Variants in CDH18 observed in about 807,000 individuals in gnomAD.
CDH18 encodes cadherin-18.
CDH18 carries 31 observed loss-of-function variants against 67.9 expected under a neutral mutation model. That is an observed-to-expected ratio of 0.46 (90% CI 0.34 to 0.62). CDH18 has a LOEUF of 0.62. Among genes scored for constraint, CDH18 ranks in the 20% least tolerant of loss-of-function variants. The pLI is 0.01. For missense variants in CDH18, 890 were observed against 975.5 expected (o/e 0.91, Z 1.17); for synonymous variants, 362 against 347.2 (o/e 1.04, Z -0.48).
Position 19,651,521 on chromosome 5 carries a change from C to T in CDH18, c.644-38920G>A, listed in dbSNP as rs1229474263. 2.6e-5 allele frequency among the ~76,000 whole-genome samples: 4 copies of T among 151,966 alleles called. No individual in the cohort carries two copies. The East Asian group carries it at 7.7e-4, about 29-fold the overall frequency. ...AAAAGCATAACAACTCAAATTCTGT[C>T]AAAGAAGACGTTAAGGGAGACAGAT... On this transcript the variant is annotated intron_variant, in intron 5 of 12. Transcript: ENST00000382275.
At chr5:20,064,727 G>T (rs992518702) in intron 2 of CDH18, among the ~76,000 whole-genome samples, 1 of 151,882 alleles carries the variant, frequency 6.6e-6, no homozygotes, top group African/African-American at 2.4e-5. Context: ...AACTTCTATT[G>T]AAAGTTAAAC....
intron 3 of CDH18, among the ~76,000 whole-genome samples, chr5:19,764,003 A>AG (rs1419298205): frequency 6.8e-6 from 1 of 146,386 alleles, no homozygotes; most frequent in Non-Finnish European, 1.5e-5. Context: ...ACAAAAAAAA[A>AG]AAAAAAAAAA....
At chr5:20,180,538 G>C (rs2388297) in intron 2 of CDH18, among the ~76,000 whole-genome samples, 106,016 of 152,094 alleles carry the variant, frequency 0.7, 37,589 homozygotes, top group African/African-American at 0.84. Flanking sequence ...TCTCTGTATA[G>C]TGTACTTCTA....
chr5:20,091,776 G>A (rs1006672417), intron 2 of CDH18, among the ~76,000 whole-genome samples: 1 of 151,646 alleles, frequency 6.6e-6, no homozygotes, highest in Non-Finnish European at 1.5e-5. Context: ...GAAGAGAGGA[G>A]GCAATAGTTT....
In CDH18 at chr5:19,520,652, C is replaced by G. The variant is rs1274629876; in HGVS notation, c.1512+5G>C. The G allele has an allele frequency of 1.2e-6, 2 of 1,605,906 alleles. No individual in the cohort carries two copies. The highest frequency in any genetic ancestry group is 1.7e-5 in the Admixed American group (1 of 58,252). ...AAATGAGGAGGAAGGAAACAATTAA[C>G]TTACCTGGCCAGGCTTAGAATTTTC... On this transcript the variant is annotated splice_donor_5th_base_variant and intron_variant, in intron 10 of 12. Coordinates refer to ENST00000382275, the MANE Select transcript of CDH18 (RefSeq NM_004934.5).
At chr5:19,958,268 C>T (rs1447558797) in intron 2 of CDH18, among the ~76,000 whole-genome samples, 1 of 149,376 alleles carries the variant, frequency 6.7e-6, no homozygotes, top group Non-Finnish European at 1.5e-5. Flanking sequence ...TGTTGCGATG[C>T]CCAATAACTA....
intron 1 of CDH18, among the ~76,000 whole-genome samples, chr5:20,558,393 A>G (rs1415198243): frequency 1.3e-5 from 2 of 152,122 alleles, no homozygotes; most frequent in African/African-American, 4.8e-5. Flanking sequence ...AAAGGTTAGT[A>G]TCTCCAGACT....
intron 2 of CDH18, among the ~76,000 whole-genome samples, chr5:20,161,436 C>T (rs945818677): frequency 6.6e-6 from 1 of 152,124 alleles, no homozygotes; most frequent in African/African-American, 2.4e-5. Flanking sequence ...TTGGTAGTTC[C>T]TCACTGAACA....
At chr5:20,434,704 T>C (rs777773393) in intron 1 of CDH18, among the ~76,000 whole-genome samples, 6 of 152,036 alleles carry the variant, frequency 3.9e-5, no homozygotes, top group Non-Finnish European at 7.4e-5. Context: ...TAGGTTCTCC[T>C]AATCAGACCA....
intron 3 of CDH18, among the ~76,000 whole-genome samples, chr5:19,821,643 C>A (rs1779893531): frequency 6.6e-6 from 1 of 151,900 alleles, no homozygotes; most frequent in African/African-American, 2.4e-5. Context: ...AGATGACTAC[C>A]CACAAGACAC....
At chr5:19,533,707 A>C (rs963971817) in intron 9 of CDH18, among the ~76,000 whole-genome samples, 1 of 152,108 alleles carries the variant, frequency 6.6e-6, no homozygotes, top group Non-Finnish European at 1.5e-5. Context: ...GAGTGGCCAG[A>C]GACTTGGCAT....
At chr5:19,666,162 G>A (rs1560986913) in intron 5 of CDH18, among the ~76,000 whole-genome samples, 1 of 151,118 alleles carries the variant, frequency 6.6e-6, no homozygotes, top group African/African-American at 2.4e-5. Flanking sequence ...CTCAGCCTCT[G>A]GGGTTCAAGT....
intron 2 of CDH18, among the ~76,000 whole-genome samples, chr5:20,163,314 T>C (rs1736040618): frequency 2.0e-5 from 3 of 152,132 alleles, no homozygotes; most frequent in African/African-American, 7.2e-5. Context: ...ATTATGCTTA[T>C]AATTAAATTT....
chr5:20,194,670 A>T (rs4002090), intron 2 of CDH18, among the ~76,000 whole-genome samples: 2,359 of 31,248 alleles, frequency 0.075, 31 homozygotes, highest in Middle Eastern at 0.15. Flanking sequence ...TTTTTTTTTT[A>T]AAAAGAATGG....
rs551987253 is a variant in CDH18, at chr5:20,039,066, C to T, written c.-517-47052G>A. Among the ~76,000 whole-genome samples, 498 of 140,480 alleles carry T rather than the reference C, an allele frequency of 3.5e-3. 2 individuals carry two copies. The highest frequency in any genetic ancestry group is 0.012 in the African/African-American group (480 of 40,056). The allele number at this position is 140,480 out of a possible 152,430, so 92.2% of individuals were successfully genotyped here. A position where few individuals can be genotyped will look rare whatever the true frequency, so the allele number is the denominator to read the frequency against. ...ACACCAATAACAGACAAACAGAGAGCCAAATAGTGAGTGAACTCCCATTCG... is the reference window on the plus strand; with the variant it reads ...ACACCAATAACAGACAAACAGAGAGTCAAATAGTGAGTGAACTCCCATTCG... On this transcript the variant is annotated intron_variant, in intron 2 of 14. Transcript: ENST00000507958.
At chr5:20,076,357 A>G (rs188673040) in intron 2 of CDH18, among the ~76,000 whole-genome samples, 173 of 152,254 alleles carry the variant, frequency 1.1e-3, no homozygotes, top group African/African-American at 4.0e-3. Context: ...ACTAAAAGTA[A>G]CTACATTAGA....
chr5:20,023,609 A>G (rs1260878177), intron 2 of CDH18, among the ~76,000 whole-genome samples: 1 of 146,598 alleles, frequency 6.8e-6, no homozygotes, highest in Non-Finnish European at 1.5e-5. Flanking sequence ...TAGTTAGCCG[A>G]GATCGCGCCA....
chr5:20,230,345 C>T (rs1741969891), intron 2 of CDH18, among the ~76,000 whole-genome samples: 1 of 152,156 alleles, frequency 6.6e-6, no homozygotes, highest in African/African-American at 2.4e-5. Context: ...CTATGAAATA[C>T]TGGTTAATAC....
intron 1 of CDH18, among the ~76,000 whole-genome samples, chr5:20,337,945 G>T (rs981211819): frequency 1.3e-5 from 2 of 152,210 alleles, no homozygotes; most frequent in Non-Finnish European, 2.9e-5. Context: ...AGAAGAGCAA[G>T]TCAAGTCTTA....
Sources: allele counts gnomAD v4.1 joint callset (sites outside exome capture counted in the v4.1 genomes callset), GRCh38; gene constraint gnomAD v4.1.1; transcripts MANE v1.5; gene names NCBI Gene and HGNC (gene_info 2026-07-23, HGNC 2026-07-21).